The following FAM219A variants were observed in gnomAD, a reference collection of about 807,000 sequenced individuals.
The protein encoded by FAM219A is protein FAM219A.
A neutral mutation model predicts 23.4 loss-of-function variants in FAM219A; 7 were observed. The ratio of observed to expected loss-of-function variants is 0.30; its 90% CI spans 0.17 to 0.56. FAM219A has a LOEUF of 0.56. Among genes scored for constraint, FAM219A ranks in the 20% least tolerant of loss-of-function variants. FAM219A has a pLI of 0.92. For synonymous variants in FAM219A, 93 were observed against 99.0 expected (o/e 0.94, Z 0.36); for missense variants, 166 against 246.9 (o/e 0.67, Z 2.20).
At chr9:34,432,418 C>T (rs1217760209) in intron 1 of FAM219A, among the ~76,000 whole-genome samples, 4 of 152,178 alleles carry the variant, frequency 2.6e-5, no homozygotes, top group African/African-American at 9.7e-5. Context: ...GATCTTCTAC[C>T]ACCTTGGGCA....
At chr9:34,415,645 T>C (rs1339435328) in intron 1 of FAM219A, among the ~76,000 whole-genome samples, 1 of 152,216 alleles carries the variant, frequency 6.6e-6, no homozygotes, top group Non-Finnish European at 1.5e-5. Context: ...GAGTTGGTGC[T>C]GTTCCCATCT....
rs72735205 is a variant in FAM219A, at chr9:34,427,199, C to G, written c.61-21235G>C. ...CACCTCTTGTTTTTTTGAGACAGTG[C>G]CTTACTCAGTTGCCCAGGCTGGAGT... On this transcript the variant is annotated intron_variant, in intron 1 of 5. Transcript: ENST00000651358. Among the ~76,000 whole-genome samples, 3 of 152,118 alleles carry G rather than the reference C, an allele frequency of 2.0e-5. No individual in the cohort carries two copies. The East Asian group carries it at 5.8e-4, about 30-fold the overall frequency.
At position 34,416,561 on chromosome 9, in the gene FAM219A, C is replaced by T. The variant is rs558521939; in HGVS notation, c.61-10597G>A. ...GGAGGATCACTTGAGGCCAGGAGTT[C>T]GAGACCAGCCTGGCCAACATGGCAA... On this transcript the variant is annotated intron_variant, in intron 1 of 5. Transcript: ENST00000651358. 3.9e-5 allele frequency among the ~76,000 whole-genome samples: 6 copies of T among 152,020 alleles called. No individual in the cohort carries two copies. In the South Asian group the frequency reaches 8.3e-4, roughly 21 times the overall value.
At chr9:34,405,704 T>C (rs1588032365) in intron 2 of FAM219A, among the ~76,000 whole-genome samples, 161 bp downstream of exon 2, 1 of 152,196 alleles carries the variant, frequency 6.6e-6, no homozygotes, top group Non-Finnish European at 1.5e-5. Context: ...CTGCCCTCTT[T>C]GCCTGCAGGA....
intron 1 of FAM219A, among the ~76,000 whole-genome samples, chr9:34,419,828 T>C (rs1174494515): frequency 6.6e-6 from 1 of 152,204 alleles, no homozygotes; most frequent in Admixed American, 6.5e-5. Flanking sequence ...ATTTCTTCCC[T>C]CTGGCCTTGG....
chr9:34,414,423 T>C (rs1344030468), intron 1 of FAM219A, among the ~76,000 whole-genome samples: 1 of 152,226 alleles, frequency 6.6e-6, no homozygotes, highest in African/African-American at 2.4e-5. Context: ...TTTTGGGACA[T>C]ATTAAGATCC....
intron 1 of FAM219A, among the ~76,000 whole-genome samples, chr9:34,452,568 C>T (rs1471203271): frequency 1.3e-5 from 2 of 152,204 alleles, no homozygotes; most frequent in Admixed American, 6.5e-5. Context: ...TCATTATCTC[C>T]TAGCAGAATT....
At chr9:34,445,981 C>T (rs1371664416) in intron 1 of FAM219A, among the ~76,000 whole-genome samples, 1 of 152,078 alleles carries the variant, frequency 6.6e-6, no homozygotes, top group Admixed American at 6.6e-5. Flanking sequence ...TTAAGACCAG[C>T]CTAGCCAACA....
chr9:34,450,715 C>T (rs1473687996), intron 1 of FAM219A, among the ~76,000 whole-genome samples: 1 of 152,152 alleles, frequency 6.6e-6, no homozygotes, highest in Non-Finnish European at 1.5e-5. Context: ...TGCGCCCGGC[C>T]AATTCAATAA....
intron 1 of FAM219A, among the ~76,000 whole-genome samples, chr9:34,434,353 G>A (rs915503864): frequency 6.6e-6 from 1 of 151,938 alleles, no homozygotes; most frequent in African/African-American, 2.4e-5. Context: ...ATCAGAAAAG[G>A]TTAAATTCAG....
chr9:34,443,489 T>C (rs1441111635), intron 1 of FAM219A, among the ~76,000 whole-genome samples: 1 of 152,016 alleles, frequency 6.6e-6, no homozygotes, highest in Non-Finnish European at 1.5e-5. Context: ...CTCCTCACTC[T>C]CTCCCACAAA....
intron 2 of FAM219A, among the ~76,000 whole-genome samples, chr9:34,405,346 C>A (rs1821595887): frequency 6.6e-6 from 1 of 152,056 alleles, no homozygotes; most frequent in African/African-American, 2.4e-5. Flanking sequence ...GAAATGTGAC[C>A]CAGAAAGGAA....
intron 1 of FAM219A, among the ~76,000 whole-genome samples, chr9:34,410,854 G>T (rs1312621668): frequency 6.6e-6 from 1 of 152,180 alleles, no homozygotes; most frequent in African/African-American, 2.4e-5. Context: ...CTGGGTTTCA[G>T]CTTCCTCATC....
At chr9:34,424,651 C>CGG (rs79026170) in intron 1 of FAM219A, among the ~76,000 whole-genome samples, 3,628 of 152,254 alleles carry the variant, frequency 0.024, 119 homozygotes, top group East Asian at 0.13. Flanking sequence ...AAAGCCAACA[C>CGG]GGACCTACCA....
intron 1 of FAM219A, among the ~76,000 whole-genome samples, chr9:34,452,590 G>A (rs1445802450): frequency 1.3e-5 from 2 of 152,052 alleles, no homozygotes; most frequent in Non-Finnish European, 2.9e-5. Flanking sequence ...TTACACCCAG[G>A]TCTGTATTCG....
chr9:34,455,902 G>A (rs1039131675), intron 1 of FAM219A, among the ~76,000 whole-genome samples: 2 of 152,142 alleles, frequency 1.3e-5, no homozygotes, highest in Non-Finnish European at 2.9e-5. Context: ...ACTCAATAAA[G>A]TATTCTCAGG....
intron 1 of FAM219A, among the ~76,000 whole-genome samples, chr9:34,436,187 A>G (rs1363631657): frequency 6.6e-6 from 1 of 151,722 alleles, no homozygotes; most frequent in Non-Finnish European, 1.5e-5. Context: ...TATAACTATT[A>G]TAATGTTATT....
At chr9:34,456,108 G>A (rs1017081768) in intron 1 of FAM219A, among the ~76,000 whole-genome samples, 4 of 152,124 alleles carry the variant, frequency 2.6e-5, no homozygotes, top group African/African-American at 4.8e-5. Context: ...TAGGAGAATC[G>A]CTTGAATCCA....
chr9:34,455,457 C>G (rs375544918), intron 1 of FAM219A, among the ~76,000 whole-genome samples: 3 of 149,414 alleles, frequency 2.0e-5, no homozygotes, highest in African/African-American at 5.0e-5. Flanking sequence ...CTATGATATG[C>G]TATCTTGATT....
Sources: allele counts gnomAD v4.1 joint callset (sites outside exome capture counted in the v4.1 genomes callset), GRCh38; gene constraint gnomAD v4.1.1; transcripts MANE v1.5; gene names NCBI Gene and HGNC (gene_info 2026-07-23, HGNC 2026-07-21).